Variants in IPO5 observed in about 807,000 individuals in gnomAD.
IPO5 encodes importin 5.
IPO5 carries 18 observed loss-of-function variants against 143.3 expected under a neutral mutation model. The observed-to-expected ratio is 0.13, with a 90% CI of 0.09 to 0.19. The LOEUF is 0.19. IPO5 is among the 10% of genes least tolerant of loss of function. The probability of loss-of-function intolerance (pLI) is 1.00; values close to 1 mark genes in which losing one functional copy is unlikely to be tolerated. For synonymous variants in IPO5, 477 were observed against 465.7 expected, an observed-to-expected ratio of 1.02 and a Z score of -0.31; for missense variants, 1,013 against 1,336.9, an observed-to-expected ratio of 0.76 and a Z score of 3.78.
intron 3 of IPO5, among the ~76,000 whole-genome samples, chr13:97,974,918 T>A (rs1165085749): frequency 6.6e-6 from 1 of 152,046 alleles, no homozygotes. Flanking sequence ...TAGAAAAAAA[T>A]CTTGGCTGGC....
At chr13:97,963,733 C>T (rs914744377) in intron 2 of IPO5, among the ~76,000 whole-genome samples, 2 of 152,002 alleles carry the variant, frequency 1.3e-5, no homozygotes, top group Non-Finnish European at 2.9e-5. Context: ...TTGTTTTTTT[C>T]GACTGCTTTG....
chr13:98,012,154 C>G, intron 20 of IPO5, 92 bp from the exon 21 acceptor site: 1 of 749,734 alleles, frequency 1.3e-6, no homozygotes, highest in East Asian at 2.5e-5. Flanking sequence ...CAAAATACAA[C>G]CTCCTGTGGT....
chr13:98,002,893 A>G lies in IPO5; in HGVS notation c.1353A>G (p.Glu451=). The change falls in exon 16 of 29, where the codon GAA becomes GAG. Residue 451 remains glutamate, a synonymous_variant. Transcript: ENST00000651721. ...KVIAALLQTM[E]DQGNQRVQAH... is the part of the protein sequence containing the mutation. ...TTGCAGCTCTGCTGCAGACCATGGA[A>G]GACCAAGGCAATCAACGTGTGCAGG... is the stretch of plus-strand genomic sequence containing the variant. 1 of 1,613,538 alleles carries G rather than the reference A, an allele frequency of 6.2e-7. No individual in the cohort carries two copies. Among genetic ancestry groups the G allele is most frequent in the Non-Finnish European group, 8.5e-7 (1 of 1,179,768 alleles).
Position 97,979,947 on chromosome 13 carries a change from G to A in IPO5, c.91-2556G>A, listed in dbSNP as rs932230353. 5.3e-5 allele frequency: 24 copies of A among 456,558 alleles called. No homozygotes were observed. In the Admixed American group the frequency reaches 5.4e-4, roughly 10 times the overall value. The allele number at this position is 456,558 out of a possible 1,614,324, so 28.3% of individuals were successfully genotyped here. On this transcript the variant is annotated intron_variant, in intron 4 of 28. Transcript: ENST00000651721. ...CTTTTACTTTTCCTCATACAAGGTA[G>A]GCTCACTATAAATATTTATGGAATG...
At chr13:97,997,433 T>G (rs1888388923) in intron 11 of IPO5, 98 bp from the exon 12 acceptor site, 1 of 599,324 alleles carries the variant, frequency 1.7e-6, no homozygotes, top group African/African-American at 1.9e-5. Context: ...TCTTGTTCTC[T>G]TACAGGCAAA....
chr13:98,005,363 ATTTTTATT>A (rs1566543958), intron 16 of IPO5, among the ~76,000 whole-genome samples: 1 of 120,370 alleles, frequency 8.3e-6, no homozygotes, highest in Non-Finnish European at 1.7e-5. Context: ...CACCTGGCTA[ATTTTTATT>A]TATTTATTTA....
intron 25 of IPO5, 56 bp from the exon 26 acceptor site, chr13:98,018,429 T>A: frequency 8.0e-7 from 1 of 1,254,084 alleles, no homozygotes; most frequent in Non-Finnish European, 1.1e-6. Flanking sequence ...TGAATATTTC[T>A]TTACATTCTT....
At chr13:98,019,862 T>G in intron 27 of IPO5, 53 bp downstream of exon 27, 3 of 1,234,738 alleles carry the variant, frequency 2.4e-6, no homozygotes, top group African/African-American at 1.5e-5. Context: ...TGCTTCCTGG[T>G]TTTTCTTGCC....
At chr13:97,978,501 A>T (rs1886575935) in intron 4 of IPO5, among the ~76,000 whole-genome samples, 1 of 152,186 alleles carries the variant, frequency 6.6e-6, no homozygotes, top group South Asian at 2.1e-4. Flanking sequence ...AGAATACTGA[A>T]AAGTAGCATT....
intron 18 of IPO5, among the ~76,000 whole-genome samples, chr13:98,009,599 AAG>A (rs1166103118): frequency 1.3e-5 from 2 of 152,210 alleles, no homozygotes; most frequent in Non-Finnish European, 2.9e-5. Flanking sequence ...GATGCTAAGA[AAG>A]AAAACCATTA....
At position 98,016,630 on chromosome 13, in the gene IPO5, G is replaced by C. The variant is rs112891816; in HGVS notation, c.2494-99G>C. On this transcript the variant is annotated intron_variant, in intron 24 of 28. Coordinates refer to ENST00000651721, the MANE Select transcript of IPO5 (RefSeq NM_002271.6). ...ACCCTTAAAACAGGAATGAGAAATT[G>C]ATTTTCTGCATTTTTTAAGGTTTTT... 4 of 635,536 alleles carry C rather than the reference G, an allele frequency of 6.3e-6. No individual in the cohort carries two copies. In the African/African-American group the frequency reaches 7.7e-5, roughly 12 times the overall value. 39.4% of individuals were successfully genotyped at this position (635,536 alleles called of 1,614,324 possible).
Position 98,023,475 on chromosome 13 carries a change from ATTATTACTACACT to A in IPO5, c.*1668_*1680del, listed in dbSNP as rs572454965. 9.2e-5 allele frequency: 14 copies of A among 152,312 alleles called. No individual in the cohort carries two copies. Among genetic ancestry groups the A allele is most frequent in the East Asian group, 5.8e-4 (3 of 5,188 alleles). 9.4% of individuals were successfully genotyped at this position (152,312 alleles called of 1,614,324 possible). ...GCAATGTAGGCTTTTTTTAATTTAA[ATTATTACTACACT>A]TTATTACTACACTTGCAGAAAAGAA... On this transcript the variant is annotated 3_prime_UTR_variant, in exon 29 of 29. Transcript: ENST00000651721.
chr13:97,972,041 T>C (rs1452047524), intron 3 of IPO5, among the ~76,000 whole-genome samples: 1 of 152,222 alleles, frequency 6.6e-6, no homozygotes, highest in Non-Finnish European at 1.5e-5. Flanking sequence ...GCCATCAGCT[T>C]ACATTGGTGT....
Position 98,003,117 on chromosome 13 carries a change from G to C in IPO5, c.1497+80G>C. The stretch of plus-strand genomic sequence containing the variant: ...TTGATGGGTAAGAACTGGAGAAAGA[G>C]GGACTTGCAGCATGACCATAAAGAA... On this transcript the variant is annotated intron_variant, in intron 16 of 28. Coordinates refer to ENST00000651721, the MANE Select transcript of IPO5 (RefSeq NM_002271.6). 2.9e-6 allele frequency: 3 copies of C among 1,037,176 alleles called. No homozygotes were observed. In the South Asian group the frequency reaches 4.7e-5, roughly 16 times the overall value. The allele number at this position is 1,037,176 out of a possible 1,614,324, so 64.2% of individuals were successfully genotyped here.
chr13:98,021,838 C>A lies in IPO5; in HGVS notation c.*16C>A. 1 of 1,570,690 alleles carries A rather than the reference C, an allele frequency of 6.4e-7. No individual in the cohort carries two copies. Among genetic ancestry groups the A allele is most frequent in the Non-Finnish European group, 8.7e-7 (1 of 1,146,764 alleles). ...CTCTGCGTGAAGGGCCTTAATGTCA[C>A]CCACCAGAAAACTAACTCCAAATAA... On this transcript the variant is annotated 3_prime_UTR_variant, in exon 29 of 29. Transcript: ENST00000651721.
At chr13:98,018,766 C>T in intron 26 of IPO5, 62 bp downstream of exon 26, 1 of 1,201,432 alleles carries the variant, frequency 8.3e-7, no homozygotes, top group Non-Finnish European at 1.2e-6. Context: ...CCCTACTTTA[C>T]TCTCTTTACC....
At chr13:98,008,753 T>C (rs1266331897) in intron 18 of IPO5, among the ~76,000 whole-genome samples, 1 of 152,208 alleles carries the variant, frequency 6.6e-6, no homozygotes, top group East Asian at 1.9e-4. Context: ...TCAGTCTCAA[T>C]GGTGGGCAGT....
In IPO5 at chr13:97,969,713, G is replaced by A. The variant is rs145266859; in HGVS notation, c.-112-10G>A. 3.6e-5 allele frequency: 43 copies of A among 1,206,322 alleles called. No homozygotes were observed. The Middle Eastern group carries it at 5.6e-4, about 16-fold the overall frequency. 74.7% of individuals were successfully genotyped at this position (1,206,322 alleles called of 1,614,324 possible). On this transcript the variant is annotated splice_polypyrimidine_tract_variant and intron_variant, in intron 2 of 28. Transcript: ENST00000651721. ...TCTAATGGTCCACCATTCTGTTTCT[G>A]TCAAATCAGCAGAGGAAAGAAATTC...
At position 98,019,825 on chromosome 13, in the gene IPO5, G is replaced by C. The variant is rs1336577966; in HGVS notation, c.3065+16G>C. ...TGATTGAAAGGTAGGAAAGCAGACTGTGACCTTATTTCCTTCTCCTCCACA... is the reference window on the plus strand; with the variant it reads ...TGATTGAAAGGTAGGAAAGCAGACTCTGACCTTATTTCCTTCTCCTCCACA... On this transcript the variant is annotated intron_variant, in intron 27 of 28. Coordinates refer to ENST00000651721, the MANE Select transcript of IPO5 (RefSeq NM_002271.6). 2 of 1,538,892 alleles carry C rather than the reference G, an allele frequency of 1.3e-6. No homozygotes were observed. Among genetic ancestry groups the C allele is most frequent in the East Asian group, 4.5e-5 (2 of 44,534 alleles).
Sources: gnomAD v4.1 joint callset for allele counts (sites outside exome capture counted in the v4.1 genomes callset) on GRCh38, gnomAD v4.1.1 for gene constraint, MANE v1.5 for transcripts, NCBI Gene and HGNC (gene_info 2026-07-23, HGNC 2026-07-21) for gene names.